The following USH2A variants were observed in gnomAD, a reference collection of about 807,000 sequenced individuals.
The protein encoded by USH2A is usherin, also known as Usher syndrome 2A (autosomal recessive, mild).
A neutral mutation model predicts 538.9 loss-of-function variants in USH2A; 443 were observed. The observed-to-expected ratio is 0.82, with a 90% CI of 0.76 to 0.89. The LOEUF (loss-of-function observed/expected upper bound fraction) is 0.89. Ranked by LOEUF, USH2A falls within the 40% of genes least tolerant of loss-of-function variation. USH2A has a pLI of 0.00. For synonymous variants in USH2A, 2,413 were observed against 2,273.5 expected, an observed-to-expected ratio of 1.06 and a Z score of -1.75; for missense variants, 6,633 against 6,324.8, an observed-to-expected ratio of 1.05 and a Z score of -1.65.
rs759768129 is a variant in USH2A, at chr1:216,072,989, C to T, written c.5777-20G>A. The T allele has an allele frequency of 2.5e-6, 4 of 1,613,492 alleles. No homozygotes were observed. Among genetic ancestry groups the T allele is most frequent in the Non-Finnish European group, 2.5e-6 (3 of 1,179,578 alleles). ...GGTATTCTTAAATGGAAATAAGATG[C>T]AGCAAGATTAAAATAATACTCATAT... On this transcript the variant is annotated intron_variant, in intron 28 of 71. Transcript: ENST00000307340.
At chr1:216,377,603 T>C (rs1375670036) in intron 3 of USH2A, among the ~76,000 whole-genome samples, 3 of 151,752 alleles carry the variant, frequency 2.0e-5, no homozygotes, top group African/African-American at 4.8e-5. Context: ...CTTTTTATCA[T>C]TTATATTTAT....
In USH2A at chr1:215,889,105, C is replaced by T. The variant is rs1433760359; in HGVS notation, c.7595-51G>A. 3 of 1,601,602 alleles carry T rather than the reference C, an allele frequency of 1.9e-6. No individual in the cohort carries two copies. The Admixed American group carries it at 5.0e-5, about 27-fold the overall frequency. ...GTCAGACCTCTTGGAAATGTCCCACCTCTCCTCAAAGCTAAAATGAGTGAT... is the reference window on the plus strand; with the variant it reads ...GTCAGACCTCTTGGAAATGTCCCACTTCTCCTCAAAGCTAAAATGAGTGAT... On this transcript the variant is annotated intron_variant, in intron 40 of 71. Transcript: ENST00000307340.
intron 41 of USH2A, among the ~76,000 whole-genome samples, chr1:215,881,292 T>C (rs1404764339): frequency 6.6e-6 from 1 of 152,120 alleles, no homozygotes; most frequent in African/African-American, 2.4e-5. Context: ...ACGCGTGTGC[T>C]ACCACACCCG....
intron 11 of USH2A, among the ~76,000 whole-genome samples, chr1:216,287,074 T>C (rs2036900365): frequency 6.6e-6 from 1 of 152,166 alleles, no homozygotes; most frequent in South Asian, 2.1e-4. Context: ...TTTAACAATA[T>C]ATGAAAAGAA....
At chr1:216,082,598 A>T (rs995765320) in intron 26 of USH2A, among the ~76,000 whole-genome samples, 1 of 152,158 alleles carries the variant, frequency 6.6e-6, no homozygotes, top group Non-Finnish European at 1.5e-5. Context: ...AGTTCTTTAA[A>T]ACAACTTTTA....
chr1:215,638,139 A>G (rs538405735), intron 69 of USH2A, among the ~76,000 whole-genome samples: 71 of 152,316 alleles, frequency 4.7e-4, no homozygotes, highest in African/African-American at 1.7e-3. Context: ...TATTAACATT[A>G]TGATCAACAT....
intron 47 of USH2A, among the ~76,000 whole-genome samples, chr1:215,830,383 A>C (rs1663277901): frequency 6.6e-6 from 1 of 152,096 alleles, no homozygotes; most frequent in South Asian, 2.1e-4. Context: ...CGGGGGGAAA[A>C]ATCTTTCTGT....
At chr1:216,303,454 G>A (rs1168620690) in intron 9 of USH2A, among the ~76,000 whole-genome samples, 1 of 151,794 alleles carries the variant, frequency 6.6e-6, no homozygotes, top group East Asian at 1.9e-4. Flanking sequence ...CGTTATTGAT[G>A]TTTTTTAATA....
intron 9 of USH2A, among the ~76,000 whole-genome samples, chr1:216,320,300 C>T (rs2037581580): frequency 1.3e-5 from 2 of 152,032 alleles, no homozygotes; most frequent in Non-Finnish European, 2.9e-5. Flanking sequence ...TTTCTGAGGC[C>T]TCACCAGAAA....
chr1:216,360,677 T>A (rs2038475411), intron 4 of USH2A, among the ~76,000 whole-genome samples: 1 of 147,936 alleles, frequency 6.8e-6, no homozygotes, highest in African/African-American at 2.6e-5. Flanking sequence ...TTCCACTCAA[T>A]TTTTCTGTGA....
In USH2A at chr1:216,078,161, T is replaced by C. The variant is rs752774488; in HGVS notation, c.5500A>G (p.Asn1834Asp). 3.1e-6 allele frequency: 5 copies of C among 1,613,610 alleles called. No homozygotes were observed. Among genetic ancestry groups the C allele is most frequent in the Non-Finnish European group, 4.2e-6 (5 of 1,179,752 alleles). The stretch of plus-strand genomic sequence containing the variant: ...ATTCCTCCCACATAAACTGGTGAAT[T>C]CACCACCAGTGGCTGGTCTCCGGAC... ...SESGDQPLVV[N>D]SPVYVGGIPQ... is the part of the protein sequence containing the mutation. Residue 1834 changes from asparagine (N) to aspartate (D), a missense_variant, in exon 27 of 72, where the codon AAT becomes GAT. Coordinates refer to ENST00000307340, the MANE Select transcript of USH2A (RefSeq NM_206933.4).
chr1:215,799,564 TTA>T, intron 49 of USH2A, among the ~76,000 whole-genome samples: 1 of 152,154 alleles, frequency 6.6e-6, no homozygotes, highest in Non-Finnish European at 1.5e-5. Flanking sequence ...ATTGGGAAGG[TTA>T]ATTACATGAG....
At chr1:216,052,660 C>T (rs2102530578) in intron 30 of USH2A, among the ~76,000 whole-genome samples, 1 of 152,238 alleles carries the variant, frequency 6.6e-6, no homozygotes, top group Middle Eastern at 3.4e-3. Context: ...CTCCTCCTGT[C>T]AGGTTAAAAA....
At chr1:216,352,076 T>C (rs920116863) in intron 4 of USH2A, among the ~76,000 whole-genome samples, 1 of 152,112 alleles carries the variant, frequency 6.6e-6, no homozygotes, top group Non-Finnish European at 1.5e-5. Context: ...GGTAGTTTGA[T>C]ACATGTAACA....
At chr1:216,409,355 C>T (rs1453065367) in intron 3 of USH2A, among the ~76,000 whole-genome samples, 2 of 152,068 alleles carry the variant, frequency 1.3e-5, no homozygotes, top group African/African-American at 4.8e-5. Context: ...CAAACAACGA[C>T]ATTCTTGGAA....
chr1:216,098,771 G>T lies in USH2A; in HGVS notation c.4628-1558C>A, dbSNP rs557886848. On this transcript the variant is annotated intron_variant, in intron 21 of 71. Transcript: ENST00000307340. Reference sequence around the variant, plus strand: ...CAATTAAAAAAATGTAATGCAATGTGATAAATGGTATAGGGATGTATACAA... The same window carrying T: ...CAATTAAAAAAATGTAATGCAATGTTATAAATGGTATAGGGATGTATACAA... 7.8e-3 allele frequency among the ~76,000 whole-genome samples: 1,189 copies of T among 152,328 alleles called. 8 individuals are homozygous for T. Among genetic ancestry groups the T allele is most frequent in the Non-Finnish European group, 0.012 (834 of 68,026 alleles).
chr1:215,627,435 TC>T (rs879942988), intron 71 of USH2A, among the ~76,000 whole-genome samples: 15,556 of 90,128 alleles, frequency 0.17, 2,395 homozygotes, highest in Non-Finnish European at 0.24. Flanking sequence ...CTTCCTTCCT[TC>T]CTTCCTTCCT....
chr1:215,737,213 T>C (rs1344360635), intron 60 of USH2A, among the ~76,000 whole-genome samples: 1 of 151,908 alleles, frequency 6.6e-6, no homozygotes, highest in Non-Finnish European at 1.5e-5. Context: ...GCAATATAAT[T>C]CTTTCATGAA....
intron 38 of USH2A, among the ~76,000 whole-genome samples, chr1:215,909,886 A>G (rs1385550739): frequency 6.6e-6 from 1 of 151,918 alleles, no homozygotes; most frequent in African/African-American, 2.4e-5. Context: ...CTTGACTCCT[A>G]AGCTTCTGGT....
Sources: allele counts gnomAD v4.1 joint callset (sites outside exome capture counted in the v4.1 genomes callset), GRCh38; gene constraint gnomAD v4.1.1; transcripts MANE v1.5; gene names NCBI Gene and HGNC (gene_info 2026-07-23, HGNC 2026-07-21).